Variants in RASEF observed in about 807,000 individuals in gnomAD.
The protein encoded by RASEF is ras and EF-hand domain-containing protein.
Under a neutral mutation model 90.1 loss-of-function variants are expected in RASEF, and 68 were observed. The ratio of observed to expected loss-of-function variants is 0.75; its 90% confidence interval spans 0.62 to 0.92. RASEF has a LOEUF of 0.92. Ranked by LOEUF, RASEF falls within the 40% of genes least tolerant of loss-of-function variation. The pLI is 0.00. For missense variants in RASEF, 949 were observed against 937.2 expected, an observed-to-expected ratio of 1.01 and a Z score of -0.16; for synonymous variants, 331 against 345.2, an observed-to-expected ratio of 0.96 and a Z score of 0.46.
intron 1 of RASEF, chr9:83,055,422 A>C (rs998316616): frequency 1.5e-4 from 88 of 601,444 alleles, no homozygotes; most frequent in Non-Finnish European, 2.3e-4. Context: ...GTGCGCGCAC[A>C]CACTGGCCTG....
the RASEF span, among the ~76,000 whole-genome samples, chr9:83,069,279 T>C: frequency 2.6e-4 from 39 of 152,330 alleles, no homozygotes; most frequent in Middle Eastern, 6.8e-3. Flanking sequence ...AATCAAGATA[T>C]AGAATATTTC....
chr9:83,045,094 T>G (rs1437939268), intron 1 of RASEF, among the ~76,000 whole-genome samples: 1 of 152,170 alleles, frequency 6.6e-6, no homozygotes. Flanking sequence ...TATCTCAATC[T>G]CTCTCTTTCT....
At chr9:83,219,087 A>C in the RASEF span, among the ~76,000 whole-genome samples, 2 of 152,244 alleles carry the variant, frequency 1.3e-5, no homozygotes, top group Non-Finnish European at 2.9e-5. Context: ...GAAACACTTA[A>C]TTTTTAATAA....
At chr9:83,193,226 C>T in the RASEF span, among the ~76,000 whole-genome samples, 1 of 150,868 alleles carries the variant, frequency 6.6e-6, no homozygotes, top group Non-Finnish European at 1.5e-5. Context: ...TATACCTTAA[C>T]CATCACACTC....
At chr9:83,101,747 A>G in the RASEF span, among the ~76,000 whole-genome samples, 1 of 152,168 alleles carries the variant, frequency 6.6e-6, no homozygotes, top group African/African-American at 2.4e-5. Flanking sequence ...TATGGGAAAA[A>G]CAGTTAAGTT....
the RASEF span, among the ~76,000 whole-genome samples, chr9:83,186,004 A>C: frequency 6.6e-6 from 1 of 152,114 alleles, no homozygotes; most frequent in Non-Finnish European, 1.5e-5. Flanking sequence ...TTCCTGATTT[A>C]TCCCTGCGTC....
the RASEF span, among the ~76,000 whole-genome samples, chr9:83,207,994 T>A: frequency 6.6e-6 from 1 of 152,206 alleles, no homozygotes; most frequent in Non-Finnish European, 1.5e-5. Context: ...GTTCTTGTAG[T>A]GGCATGTCTC....
chr9:83,193,763 C>CAA, the RASEF span, among the ~76,000 whole-genome samples: 1 of 152,086 alleles, frequency 6.6e-6, no homozygotes. Flanking sequence ...TGACTGAAGA[C>CAA]AAATGGGCAG....
intron 13 of RASEF, 117 bp from the exon 14 acceptor site, chr9:82,997,243 C>A: frequency 1.5e-6 from 1 of 670,948 alleles, no homozygotes; most frequent in Non-Finnish European, 2.7e-6. Flanking sequence ...ACTCTAACTG[C>A]AATATATGAC....
the RASEF span, among the ~76,000 whole-genome samples, chr9:83,105,782 A>G: frequency 6.6e-6 from 1 of 152,246 alleles, no homozygotes; most frequent in Non-Finnish European, 1.5e-5. Flanking sequence ...GCTAAGACAT[A>G]AAAGCTGAAA....
At chr9:83,189,983 G>T in the RASEF span, among the ~76,000 whole-genome samples, 2 of 152,132 alleles carry the variant, frequency 1.3e-5, no homozygotes, top group African/African-American at 4.8e-5. Flanking sequence ...AGTGGCCTAG[G>T]CTCTTGCTGT....
chr9:83,065,535 C>T (rs988072690), upstream of RASEF, among the ~76,000 whole-genome samples: 6 of 152,172 alleles, frequency 3.9e-5, no homozygotes, highest in African/African-American at 1.4e-4. Flanking sequence ...ATTGACAAGT[C>T]ACATTGGCAA....
At chr9:82,999,969 T>C (rs1439218157) in intron 12 of RASEF, among the ~76,000 whole-genome samples, 200 bp downstream of exon 12, 2 of 140,352 alleles carry the variant, frequency 1.4e-5, no homozygotes, top group East Asian at 2.1e-4. Flanking sequence ...AGAAAGACCT[T>C]TCCATAGACT....
chr9:83,000,932 C>T lies in RASEF; in HGVS notation c.1401G>A (p.Val467=), dbSNP rs1383280555. The T allele has an allele frequency of 1.1e-5, 18 of 1,614,028 alleles. No homozygotes were observed. The highest frequency in any genetic ancestry group is 1.5e-5 in the Non-Finnish European group (18 of 1,180,018). ...AAGCATCACCTCCAAAGCTCTCCTG[C>T]ACCCCGTGTGACCTCTGAAATCCCC... ...HQRGFQRSHG[V]QESFGGDASD... Residue 467 remains valine, a synonymous_variant, in exon 10 of 17, where the codon GTG becomes GTA. Transcript: ENST00000376447.
At chr9:83,022,525 GA>G in intron 2 of RASEF, 99 bp from the exon 3 acceptor site, 1 of 827,332 alleles carries the variant, frequency 1.2e-6, no homozygotes, top group South Asian at 1.5e-5. Flanking sequence ...ATATATTACA[GA>G]TGAAGAGAAA....
chr9:83,100,555 A>G, the RASEF span, among the ~76,000 whole-genome samples: 1 of 152,210 alleles, frequency 6.6e-6, no homozygotes, highest in Non-Finnish European at 1.5e-5. Context: ...TCTCATTGTC[A>G]TATCATTTTT....
chr9:83,026,191 A>T (rs1258393573), intron 1 of RASEF, among the ~76,000 whole-genome samples: 2 of 152,204 alleles, frequency 1.3e-5, no homozygotes, highest in African/African-American at 2.4e-5. Flanking sequence ...TGTATTTTTT[A>T]ATTTTAATAG....
At position 83,040,148 on chromosome 9, in the gene RASEF, C is replaced by A. The variant is rs370106445; in HGVS notation, c.432-14227G>T. ...CTCCCAGCCATGTGGAACTGTGAGT[C>A]CCTTAAACCTCTTTTTCTTTATAAA... On this transcript the variant is annotated intron_variant, in intron 1 of 16. Transcript: ENST00000376447. 9.1e-4 allele frequency among the ~76,000 whole-genome samples: 138 copies of A among 152,264 alleles called. No homozygotes were observed. In the South Asian group the frequency reaches 0.027, roughly 29 times the overall value.
chr9:83,002,662 A>T (rs1829062114), intron 9 of RASEF, among the ~76,000 whole-genome samples: 2 of 152,208 alleles, frequency 1.3e-5, no homozygotes, highest in South Asian at 4.1e-4. Flanking sequence ...TAATTATAAT[A>T]TACTACAAAC....
Sources: allele counts gnomAD v4.1 joint callset (sites outside exome capture counted in the v4.1 genomes callset), GRCh38; gene constraint gnomAD v4.1.1; transcripts MANE v1.5; gene names NCBI Gene and HGNC (gene_info 2026-07-23, HGNC 2026-07-21).